SEC14L3: variants seen among roughly 807,000 people sequenced by gnomAD.
SEC14L3 encodes SEC14 like lipid binding 3.
A neutral mutation model predicts 57.4 loss-of-function variants in SEC14L3; 56 were observed. The observed-to-expected ratio is 0.97, with a 90% CI of 0.79 to 1.22. The LOEUF (loss-of-function observed/expected upper bound fraction) is 1.22, where lower values mean the gene tolerates loss of function less well. SEC14L3 is among the 50% of genes most tolerant of loss of function. SEC14L3 has a pLI of 0.00. For synonymous variants in SEC14L3, 173 were observed against 194.4 expected (o/e 0.89, Z 0.92); for missense variants, 485 against 511.7 (o/e 0.95, Z 0.50).
rs1268571218 is a variant in SEC14L3, at chr22:30,464,906, G to A, written c.581-3C>T. On this transcript the variant is annotated splice_region_variant and splice_polypyrimidine_tract_variant and intron_variant, in intron 7 of 11. Coordinates refer to ENST00000215812, the MANE Select transcript of SEC14L3 (RefSeq NM_174975.5). ...GCCCACAGGGAACAGTTTGGTAGCT[G>A]GAGAGATAGAAGTAAGGATAATGGG... is the stretch of plus-strand genomic sequence containing the variant. The A allele has an allele frequency of 5.0e-6, 8 of 1,613,570 alleles. No homozygotes were observed. The highest frequency in any genetic ancestry group is 6.8e-6 in the Non-Finnish European group (8 of 1,179,610).
chr22:30,459,023 CAAACAAAT>C (rs1935169985), downstream of SEC14L3, among the ~76,000 whole-genome samples: 1 of 152,042 alleles, frequency 6.6e-6, no homozygotes, highest in Admixed American at 6.6e-5. Context: ...AACAAACAAA[CAAACAAAT>C]AAACAAACAA....
chr22:30,471,686 C>T (rs571981585), intron 1 of SEC14L3, among the ~76,000 whole-genome samples: 5 of 152,288 alleles, frequency 3.3e-5, no homozygotes, highest in South Asian at 2.1e-4. Flanking sequence ...GCACCACCCA[C>T]GTTATTGCCT....
At chr22:30,463,128 C>T (rs1256161917) in intron 8 of SEC14L3, among the ~76,000 whole-genome samples, 3 of 152,216 alleles carry the variant, frequency 2.0e-5, no homozygotes, top group Non-Finnish European at 2.9e-5. Context: ...ATGACGTCAA[C>T]GGCCTTGTTG....
downstream of SEC14L3, chr22:30,459,160 G>A (rs1935174116): frequency 1.6e-6 from 1 of 624,242 alleles, no homozygotes; most frequent in South Asian, 7.2e-5. Flanking sequence ...GGGATGGCAT[G>A]AGAATAAAAC....
At chr22:30,454,980 T>G (rs1163617210), downstream of SEC14L3, among the ~76,000 whole-genome samples, 1 of 64,990 alleles carries the variant, frequency 1.5e-5, no homozygotes, top group Non-Finnish European at 2.5e-5. Context: ...TAATATATTA[T>G]TATATATTAT....
In SEC14L3 at chr22:30,461,385, C is replaced by G. The variant is rs1339058540; in HGVS notation, c.1006G>C (p.Val336Leu). Reference protein sequence around the residue: ...ERQRAGEMTDVLPSQRYNAHM... With the variant: ...ERQRAGEMTDLLPSQRYNAHM... ...GCGTTATAGCGCTGGCTGGGTAGAA[C>G]ATCTGTCATCTCCCCTGCCCGCTGT... The change falls in exon 11 of 12, where the codon GTT becomes CTT. Residue 336 changes from valine to leucine, a missense_variant. Coordinates refer to ENST00000215812, the MANE Select transcript of SEC14L3 (RefSeq NM_174975.5). 2 of 1,614,024 alleles carry G rather than the reference C, an allele frequency of 1.2e-6. No individual in the cohort carries two copies. Among genetic ancestry groups the G allele is most frequent in the South Asian group, 2.2e-5 (2 of 91,064 alleles).
At chr22:30,454,889 T>C (rs1460207743), downstream of SEC14L3, among the ~76,000 whole-genome samples, 95 of 21,652 alleles carry the variant, frequency 4.4e-3, 6 homozygotes, top group African/African-American at 0.018. Flanking sequence ...TATTATATAT[T>C]ATATAATAGA....
At position 30,459,800 on chromosome 22, in the gene SEC14L3, C is replaced by G. The variant is rs1227288922; in HGVS notation, c.*221G>C. On this transcript the variant is annotated 3_prime_UTR_variant, in exon 12 of 12. Transcript: ENST00000215812. ...CACCCACTTCTTGCCTTTACCCTTG[C>G]TTTTTCCTCTTCTGCAACCTTGGTA... The G allele has an allele frequency of 1.6e-6, 2 of 1,226,904 alleles. No individual in the cohort carries two copies. The highest frequency in any genetic ancestry group is 2.0e-6 in the Non-Finnish European group (2 of 977,802). The allele number at this position is 1,226,904 out of a possible 1,614,324, so 76.0% of individuals were successfully genotyped here.
intron 12 of SEC14L3, among the ~76,000 whole-genome samples, chr22:30,451,637 A>G (rs1375476433): frequency 6.6e-6 from 1 of 152,142 alleles, no homozygotes; most frequent in Admixed American, 6.6e-5. Context: ...GATAGCAGAT[A>G]AGAAAAGAAA....
intron 1 of SEC14L3, chr22:30,470,806 T>C (rs1935582666): frequency 1.8e-6 from 1 of 568,218 alleles, no homozygotes; most frequent in Non-Finnish European, 2.2e-6. Context: ...GAAGAATAGA[T>C]GGGTGAGTGG....
exon 13 of SEC14L3, chr22:30,449,106 G>A: frequency 6.4e-7 from 1 of 1,550,494 alleles, no homozygotes; most frequent in East Asian, 2.4e-5. Flanking sequence ...GGCAGGGAGG[G>A]GTAAAGGCCT....
intron 5 of SEC14L3, among the ~76,000 whole-genome samples, 191 bp downstream of exon 5, chr22:30,468,317 T>C (rs1935488110): frequency 6.6e-6 from 1 of 150,934 alleles, no homozygotes; most frequent in African/African-American, 2.4e-5. Context: ...CCAGCAAAAG[T>C]ATCCTTCAAG....
chr22:30,471,004 G>C (rs1462912642), intron 1 of SEC14L3, among the ~76,000 whole-genome samples: 1 of 152,166 alleles, frequency 6.6e-6, no homozygotes, highest in Non-Finnish European at 1.5e-5. Context: ...AGGATAAACA[G>C]CCAGGTATGG....
downstream of SEC14L3, among the ~76,000 whole-genome samples, chr22:30,458,074 C>T (rs1028510620): frequency 2.0e-5 from 3 of 152,208 alleles, no homozygotes; most frequent in African/African-American, 2.4e-5. Context: ...CTCAGCCCTC[C>T]GTTTGTTTGT....
At chr22:30,461,805 C>T in intron 9 of SEC14L3, 111 bp from the exon 10 acceptor site, 2 of 1,417,602 alleles carry the variant, frequency 1.4e-6, no homozygotes, top group Non-Finnish European at 1.9e-6. Context: ...CATCCTAGCC[C>T]CACTCTCCCA....
In SEC14L3 at chr22:30,468,489, C is replaced by T. The variant is rs756710531; in HGVS notation, c.423+19G>A. On this transcript the variant is annotated intron_variant, in intron 5 of 11. Coordinates refer to ENST00000215812, the MANE Select transcript of SEC14L3 (RefSeq NM_174975.5). ...CTCACCTGCCCCCAGCCATCCACCC[C>T]ACCTGGCCTGGACCTCACCCTCTCT... The T allele has an allele frequency of 1.6e-5, 25 of 1,595,040 alleles. No individual in the cohort carries two copies. The highest frequency in any genetic ancestry group is 2.0e-5 in the Non-Finnish European group (23 of 1,164,750).
chr22:30,453,128 G>A (rs568147184), intron 12 of SEC14L3, among the ~76,000 whole-genome samples: 1 of 152,138 alleles, frequency 6.6e-6, no homozygotes, highest in East Asian at 1.9e-4. Context: ...ACCTCAACAG[G>A]ATACAATCCT....
chr22:30,460,403 T>C (rs1013475902), intron 11 of SEC14L3, among the ~76,000 whole-genome samples: 1 of 152,208 alleles, frequency 6.6e-6, no homozygotes, highest in African/African-American at 2.4e-5. Context: ...TCCCATTGTC[T>C]CACACCTGGA....
rs771796937 is a variant in SEC14L3, at chr22:30,459,976, G to A, written c.*45C>T. The A allele has an allele frequency of 3.7e-6, 6 of 1,603,190 alleles. No individual in the cohort carries two copies. Among genetic ancestry groups the A allele is most frequent in the Non-Finnish European group, 4.3e-6 (5 of 1,173,062 alleles). ...AGGGAGGGAGTGTAGGATATAAACA[G>A]AGAAATCAAAGGGTTAGGAGGTCTC... On this transcript the variant is annotated 3_prime_UTR_variant, in exon 12 of 12. Transcript: ENST00000215812.
Sources: gnomAD v4.1 joint callset for allele counts (sites outside exome capture counted in the v4.1 genomes callset) on GRCh38, gnomAD v4.1.1 for gene constraint, MANE v1.5 for transcripts, NCBI Gene and HGNC (gene_info 2026-07-23, HGNC 2026-07-21) for gene names.